Variants in HMOX1 observed in about 807,000 individuals in gnomAD.
HMOX1 encodes the protein heme oxygenase 1.
HMOX1 carries 22 observed loss-of-function variants against 27.8 expected under a neutral mutation model. The observed-to-expected ratio is 0.79, with a 90% CI of 0.57 to 1.13. HMOX1 has a LOEUF of 1.13. Ranked by LOEUF, HMOX1 falls within the 50% of genes most tolerant of loss-of-function variation. The pLI, the probability that HMOX1 is intolerant of heterozygous loss-of-function variation, is 0.00. For missense variants in HMOX1, 379 were observed against 377.7 expected (o/e 1.00, Z -0.03); for synonymous variants, 153 against 151.6 (o/e 1.01, Z -0.07).
At position 35,382,978 on chromosome 22, in the gene HMOX1, G is replaced by A. The variant is rs772141553; in HGVS notation, c.24-128G>A. The A allele has an allele frequency of 1.5e-5, 20 of 1,321,376 alleles. No individual in the cohort carries two copies. In the Middle Eastern group the frequency reaches 6.0e-4, roughly 40 times the overall value. The allele number at this position is 1,321,376 out of a possible 1,614,324, so 81.9% of individuals were successfully genotyped here. On this transcript the variant is annotated intron_variant, in intron 1 of 4. Transcript: ENST00000216117. ...CAGCCACAAGGCTGCATCTTAAAGC[G>A]ATTGAGAACGTGGCCTGAATGAGGA... is the stretch of plus-strand genomic sequence containing the variant.
chr22:35,384,769 T>C (rs1931466513), intron 2 of HMOX1, among the ~76,000 whole-genome samples: 1 of 148,332 alleles, frequency 6.7e-6, no homozygotes, highest in Non-Finnish European at 1.5e-5. Context: ...CCCCATCTAG[T>C]ATGTGGCAGG....
intron 3 of HMOX1, among the ~76,000 whole-genome samples, chr22:35,388,619 C>G (rs1931567572): frequency 1.3e-5 from 2 of 151,800 alleles, no homozygotes; most frequent in Non-Finnish European, 2.9e-5. Context: ...AACCCCATCT[C>G]TACTAAAAAA....
At position 35,382,982 on chromosome 22, in the gene HMOX1, G is replaced by A. The variant is rs1049111636; in HGVS notation, c.24-124G>A. On this transcript the variant is annotated intron_variant, in intron 1 of 4. Coordinates refer to ENST00000216117, the MANE Select transcript of HMOX1 (RefSeq NM_002133.3). ...CACAAGGCTGCATCTTAAAGCGATT[G>A]AGAACGTGGCCTGAATGAGGATGGG... The A allele has an allele frequency of 5.9e-6, 8 of 1,358,474 alleles. No individual in the cohort carries two copies. In the African/African-American group the frequency reaches 1.0e-4, roughly 17 times the overall value. 84.2% of individuals were successfully genotyped at this position (1,358,474 alleles called of 1,614,324 possible).
intron 3 of HMOX1, among the ~76,000 whole-genome samples, chr22:35,389,342 TCC>T (rs1931625949): frequency 6.8e-4 from 18 of 26,464 alleles, no homozygotes; most frequent in Middle Eastern, 0.014. Context: ...TTCTTTCTTC[TCC>T]TTCCTTCCTT....
chr22:35,392,479 T>C (rs751391333), intron 4 of HMOX1, among the ~76,000 whole-genome samples: 3 of 152,104 alleles, frequency 2.0e-5, no homozygotes, highest in Non-Finnish European at 4.4e-5. Context: ...TGCTTGCTTG[T>C]ACTTCCTGTG....
chr22:35,381,151 C>T lies in HMOX1; in HGVS notation c.-23C>T, dbSNP rs1262689434. The stretch of plus-strand genomic sequence containing the variant: ...GCAGCCGCCGCCCGCGGAGCCAGCA[C>T]GAACGAGCCCAGCACCGGCCGGATG... On this transcript the variant is annotated 5_prime_UTR_variant, in exon 1 of 5. In the 5' UTR this introduces an upstream ATG that the reference lacks. Coordinates refer to ENST00000216117, the MANE Select transcript of HMOX1 (RefSeq NM_002133.3). 3 of 1,541,100 alleles carry T rather than the reference C, an allele frequency of 1.9e-6. No homozygotes were observed. The highest frequency in any genetic ancestry group is 2.6e-6 in the Non-Finnish European group (3 of 1,149,418).
In HMOX1 at chr22:35,393,692, G is replaced by T; in HGVS notation, c.*94G>T. 6.7e-7 allele frequency: 1 copy of T among 1,498,156 alleles called. No individual in the cohort carries two copies. The highest frequency in any genetic ancestry group is 2.3e-5 in the East Asian group (1 of 44,164). The allele number at this position is 1,498,156 out of a possible 1,614,324, so 92.8% of individuals were successfully genotyped here. A position where few individuals can be genotyped will look rare whatever the true frequency, so the allele number is the denominator to read the frequency against. On this transcript the variant is annotated 3_prime_UTR_variant, in exon 5 of 5. Transcript: ENST00000216117. Reference sequence around the variant, plus strand: ...TTCTCTTGGCTGGCTTCCTTACCGTGGGCACTGAAGGCTTTCAGGGCCTCC... The same window carrying T: ...TTCTCTTGGCTGGCTTCCTTACCGTTGGCACTGAAGGCTTTCAGGGCCTCC...
chr22:35,386,739 C>T lies in HMOX1; in HGVS notation c.199C>T (p.Arg67Cys), dbSNP rs766615761. 15 of 1,614,014 alleles carry T rather than the reference C, an allele frequency of 9.3e-6. No individual in the cohort carries two copies. Among genetic ancestry groups the T allele is most frequent in the East Asian group, 6.7e-5 (3 of 44,888 alleles). Residue 67 changes from arginine (R) to cysteine (C), a missense_variant, in exon 3 of 5, where the codon CGC becomes TGC. Transcript: ENST00000216117. ...IYVALEEEIE[R>C]NKESPVFAPV... The stretch of plus-strand genomic sequence containing the variant: ...TGTGGCCCTGGAGGAGGAGATTGAG[C>T]GCAACAAGGAGAGCCCAGTCTTCGC...
chr22:35,386,679 T>C lies in HMOX1; in HGVS notation c.145-6T>C. The C allele has an allele frequency of 1.2e-6, 2 of 1,614,094 alleles. No homozygotes were observed. Among genetic ancestry groups the C allele is most frequent in the African/African-American group, 2.7e-5 (2 of 75,050 alleles). ...TGGCGGCCTGACCTGCTCACTCTGCTTTCAGCTGGTGATGGCCTCCCTGTA... is the reference window on the plus strand; with the variant it reads ...TGGCGGCCTGACCTGCTCACTCTGCCTTCAGCTGGTGATGGCCTCCCTGTA... On this transcript the variant is annotated splice_polypyrimidine_tract_variant and splice_region_variant and intron_variant, in intron 2 of 4. Transcript: ENST00000216117.
chr22:35,384,191 C>T (rs1931453403), intron 2 of HMOX1, among the ~76,000 whole-genome samples: 2 of 152,146 alleles, frequency 1.3e-5, no homozygotes, highest in South Asian at 4.1e-4. Context: ...AAGCGATTCT[C>T]CTGCCTCAGC....
At position 35,387,017 on chromosome 22, in the gene HMOX1, C is replaced by G. The variant is rs1931527334; in HGVS notation, c.477C>G (p.Ser159Arg). Residue 159 changes from serine (S) to arginine (R), a missense_variant, in exon 3 of 5, where the codon AGC (serine) becomes AGG (arginine). Coordinates refer to ENST00000216117, the MANE Select transcript of HMOX1 (RefSeq NM_002133.3). ...KIAQKALDLP[S>R]SGEGLAFFTF... ...CCCAGAAAGCCCTGGACCTGCCCAG[C>G]TCTGGCGAGGGCCTGGCCTTCTTCA... 6.2e-7 allele frequency: 1 copy of G among 1,613,704 alleles called. No individual in the cohort carries two copies. Among genetic ancestry groups the G allele is most frequent in the Non-Finnish European group, 8.5e-7 (1 of 1,180,044 alleles).
chr22:35,389,835 G>A lies in HMOX1; in HGVS notation c.637-29G>A, dbSNP rs145050967. 2.5e-4 allele frequency: 378 copies of A among 1,490,390 alleles called. 7 individuals carry two copies. Among genetic ancestry groups the A allele is most frequent in the Middle Eastern group, 2.5e-3 (11 of 4,486 alleles). The allele number at this position is 1,490,390 out of a possible 1,614,324, so 92.3% of individuals were successfully genotyped here. Reference sequence around the variant, plus strand: ...GGGACCTGGTAGCATCTCTCACTGAGATAGGCATGTGTGTCTTTTGTCTTT... The same window carrying A: ...GGGACCTGGTAGCATCTCTCACTGAAATAGGCATGTGTGTCTTTTGTCTTT... On this transcript the variant is annotated intron_variant, in intron 3 of 4. Transcript: ENST00000216117.
rs1931781392 is a variant in HMOX1, at chr22:35,393,573, T to G, written c.842T>G (p.Val281Gly). The G allele has an allele frequency of 5.6e-6, 9 of 1,614,240 alleles. No individual in the cohort carries two copies. Among genetic ancestry groups the G allele is most frequent in the Non-Finnish European group, 7.6e-6 (9 of 1,180,044 alleles). Residue 281 changes from valine (V) to glycine (G), a missense_variant, in exon 5 of 5, where the codon GTT becomes GGT. Physicochemically the swap from Val to Gly is moderately radical, Grantham distance 109. Transcript: ENST00000216117. ...ACACTCAGCTTTCTGGTGGCGACAGTTGCTGTAGGGCTTTATGCCATGTGA... is the reference window on the plus strand; with the variant it reads ...ACACTCAGCTTTCTGGTGGCGACAGGTGCTGTAGGGCTTTATGCCATGTGA... ...VLTLSFLVAT[V>G]AVGLYAM is the part of the protein sequence containing the mutation.
chr22:35,383,283 C>A (rs1415430736), intron 2 of HMOX1, 57 bp downstream of exon 2: 2 of 1,596,522 alleles, frequency 1.3e-6, no homozygotes, highest in African/African-American at 1.3e-5. Flanking sequence ...TGGGTGGACC[C>A]AAGGCTCAGA....
rs761201355 is a variant in HMOX1 at position 35,392,456 on chromosome 22, CTGCT to C, written c.737-993_737-990del. ...CACACATGTAAATGTCACAGTGTAC[CTGCT>C]TGCTTGCTTGCTTGCTTGTACTTCC... On this transcript the variant is annotated intron_variant, in intron 4 of 4. Coordinates refer to ENST00000216117, the MANE Select transcript of HMOX1 (RefSeq NM_002133.3). Among the ~76,000 whole-genome samples the C allele has an allele frequency of 4.0e-3, 615 of 152,064 alleles. 3 individuals carry two copies. The highest frequency in any genetic ancestry group is 0.014 in the African/African-American group (562 of 41,496).
chr22:35,389,056 G>A (rs993822129), intron 3 of HMOX1, among the ~76,000 whole-genome samples: 1 of 152,130 alleles, frequency 6.6e-6, no homozygotes, highest in Non-Finnish European at 1.5e-5. Flanking sequence ...GGAGACACAG[G>A]CTAAGGACAT....
At chr22:35,391,585 C>CATTTTTTTTTTTTTTTTTTTTTTTTTTT (rs372077518) in intron 4 of HMOX1, among the ~76,000 whole-genome samples, 1 of 112,464 alleles carries the variant, frequency 8.9e-6, no homozygotes. Flanking sequence ...CCGCGCCCGG[C>CATTTTTTTTTTTTTTTTTTTTTTTTTTT]CTTTTTTTTT....
chr22:35,389,239 T>TTC (rs879058204), intron 3 of HMOX1, among the ~76,000 whole-genome samples: 3,512 of 111,938 alleles, frequency 0.031, 171 homozygotes, highest in East Asian at 0.051. Context: ...CTTTCTTTCT[T>TTC]TTTCTTTCTT....
intron 4 of HMOX1, among the ~76,000 whole-genome samples, chr22:35,391,586 C>T (rs13053677): frequency 0.35 from 32,045 of 90,490 alleles, 5,538 homozygotes; most frequent in East Asian, 0.5. Flanking sequence ...CGCGCCCGGC[C>T]TTTTTTTTTT....
Sources: allele counts gnomAD v4.1 joint callset (sites outside exome capture counted in the v4.1 genomes callset), GRCh38; gene constraint gnomAD v4.1.1; transcripts MANE v1.5; gene names NCBI Gene and HGNC (gene_info 2026-07-23, HGNC 2026-07-21).